INPP4B: variants seen among roughly 807,000 people sequenced by gnomAD.
INPP4B encodes inositol polyphosphate-4-phosphatase type II B.
In INPP4B, 55 loss-of-function variants were observed where a neutral mutation model predicts 122.5. The observed-to-expected ratio is 0.45, with a 90% CI of 0.36 to 0.56. INPP4B has a LOEUF of 0.56. Among genes scored for constraint, INPP4B ranks in the 20% least tolerant of loss-of-function variants. The pLI, the probability that INPP4B is intolerant of heterozygous loss-of-function variation, is 0.00. For missense variants in INPP4B, 1,000 were observed against 1,097.7 expected, an observed-to-expected ratio of 0.91 and a Z score of 1.26; for synonymous variants, 403 against 388.7, an observed-to-expected ratio of 1.04 and a Z score of -0.43.
intron 9 of INPP4B, among the ~76,000 whole-genome samples, chr4:142,272,757 T>C (rs1414569212): frequency 6.6e-6 from 1 of 152,040 alleles, no homozygotes; most frequent in Non-Finnish European, 1.5e-5. Flanking sequence ...AAATAAAGCA[T>C]ATAATAAGGA....
Position 142,589,301 on chromosome 4 carries a change from C to G in INPP4B, c.-190-126575G>C, listed in dbSNP as rs573025767. ...TGAAATAAAAATGTGATAAATTGGA[C>G]TTTGTTAAAATCAAAAACTTCCTCT... On this transcript the variant is annotated intron_variant, in intron 2 of 25. Coordinates refer to ENST00000262992, the MANE Select transcript of INPP4B (RefSeq NM_001101669.3). Among the ~76,000 whole-genome samples, 3 of 152,130 alleles carry G rather than the reference C, an allele frequency of 2.0e-5. No homozygotes were observed. The East Asian group carries it at 5.8e-4, about 29-fold the overall frequency.
chr4:142,731,778 A>G (rs1329745779), intron 1 of INPP4B, among the ~76,000 whole-genome samples: 1 of 152,182 alleles, frequency 6.6e-6, no homozygotes, highest in Non-Finnish European at 1.5e-5. Flanking sequence ...TTCAGGGGAA[A>G]AAAAAAACAT....
chr4:142,180,097 C>T (rs1647686476), intron 15 of INPP4B, among the ~76,000 whole-genome samples: 1 of 152,110 alleles, frequency 6.6e-6, no homozygotes, highest in African/African-American at 2.4e-5. Flanking sequence ...CCTTTGACTG[C>T]AAACAGGCAT....
chr4:142,116,145 C>T (rs1423210960), intron 21 of INPP4B, among the ~76,000 whole-genome samples: 1 of 152,136 alleles, frequency 6.6e-6, no homozygotes, highest in Non-Finnish European at 1.5e-5. Context: ...AATACAGGAG[C>T]ACCCAGATTC....
rs776675878 is a variant in INPP4B, at chr4:142,335,406, TC to T, written c.373-20645del. On this transcript the variant is annotated intron_variant, in intron 7 of 25. Transcript: ENST00000262992. Reference sequence around the variant, plus strand: ...TGGGTTTACTTTTCATTATACTCCCTCAATTATCTTATCTTTTAGAATTTAG... The same window carrying T: ...TGGGTTTACTTTTCATTATACTCCCTAATTATCTTATCTTTTAGAATTTAG... 8.3e-4 allele frequency among the ~76,000 whole-genome samples: 126 copies of T among 152,328 alleles called. 1 individual carries two copies. The highest frequency in any genetic ancestry group is 8.1e-4 in the Non-Finnish European group (55 of 68,024).
intron 15 of INPP4B, among the ~76,000 whole-genome samples, chr4:142,188,518 A>AAAAATATATATAT (rs1834267141): frequency 3.8e-5 from 4 of 105,094 alleles, no homozygotes; most frequent in Non-Finnish European, 5.6e-5. Flanking sequence ...AAAGAAAAAA[A>AAAAATATATATAT]ATATATATAG....
intron 1 of INPP4B, among the ~76,000 whole-genome samples, chr4:142,761,204 C>G (rs151192574): frequency 6.6e-6 from 1 of 150,568 alleles, no homozygotes; most frequent in Non-Finnish European, 1.5e-5. Context: ...TAAAAAATAT[C>G]CACACCTTAT....
intron 1 of INPP4B, among the ~76,000 whole-genome samples, chr4:142,812,369 T>A (rs1779619522): frequency 6.6e-6 from 1 of 152,220 alleles, no homozygotes; most frequent in Non-Finnish European, 1.5e-5. Context: ...TTTTTCTGGC[T>A]CTGTATGTCA....
At chr4:142,360,181 C>A (rs562638228) in intron 7 of INPP4B, among the ~76,000 whole-genome samples, 1 of 152,036 alleles carries the variant, frequency 6.6e-6, no homozygotes, top group African/African-American at 2.4e-5. Flanking sequence ...ATTTCTGATT[C>A]TAATGTTCAT....
At chr4:142,294,843 A>AAAAAAAAAAAAAAAAT (rs1757946834) in intron 9 of INPP4B, among the ~76,000 whole-genome samples, 4 of 146,010 alleles carry the variant, frequency 2.7e-5, no homozygotes. Context: ...AAAAAAAAAA[A>AAAAAAAAAAAAAAAAT]AAAAAAAAAA....
chr4:142,064,462 A>G (rs1485744535), intron 25 of INPP4B, among the ~76,000 whole-genome samples: 1 of 152,178 alleles, frequency 6.6e-6, no homozygotes, highest in Non-Finnish European at 1.5e-5. Context: ...ATGACCAAGT[A>G]ATACTTAACA....
At chr4:142,234,960 T>C (rs554260091) in intron 12 of INPP4B, among the ~76,000 whole-genome samples, 1 of 152,186 alleles carries the variant, frequency 6.6e-6, no homozygotes, top group Non-Finnish European at 1.5e-5. Flanking sequence ...TTTGATGTGT[T>C]CAAATAACAA....
chr4:142,230,371 AG>A (rs1331208353), intron 12 of INPP4B, among the ~76,000 whole-genome samples: 1 of 152,082 alleles, frequency 6.6e-6, no homozygotes, highest in African/African-American at 2.4e-5. Flanking sequence ...CAAGGCCGGG[AG>A]CGGTGGCTCA....
At chr4:142,563,751 T>C (rs562614400) in intron 2 of INPP4B, among the ~76,000 whole-genome samples, 4 of 152,298 alleles carry the variant, frequency 2.6e-5, no homozygotes, top group African/African-American at 9.6e-5. Flanking sequence ...TTGCAGTTTC[T>C]TTCTCACTTC....
chr4:142,539,792 C>G (rs189349960), intron 2 of INPP4B, among the ~76,000 whole-genome samples: 1 of 152,010 alleles, frequency 6.6e-6, no homozygotes, highest in East Asian at 1.9e-4. Flanking sequence ...CAAACAGGAA[C>G]TGACAGCAAG....
chr4:142,404,135 A>G lies in INPP4B; in HGVS notation c.255+1071T>C, dbSNP rs556237412. On this transcript the variant is annotated intron_variant, in intron 6 of 25. Transcript: ENST00000262992. ...GAATAAGATTATTTTTGTTAATTCA[A>G]CTATAGCATTAACTATATATTATAC... 2.0e-5 allele frequency among the ~76,000 whole-genome samples: 3 copies of G among 152,336 alleles called. No homozygotes were observed. In the South Asian group the frequency reaches 6.2e-4, roughly 32 times the overall value.
intron 7 of INPP4B, among the ~76,000 whole-genome samples, chr4:142,340,451 A>T (rs1043180239): frequency 6.6e-6 from 1 of 151,958 alleles, no homozygotes; most frequent in African/African-American, 2.4e-5. Flanking sequence ...TCTGTCACCC[A>T]GGCTGGAGTA....
chr4:142,244,068 C>A (rs940263143), intron 11 of INPP4B, among the ~76,000 whole-genome samples: 1 of 151,772 alleles, frequency 6.6e-6, no homozygotes, highest in Non-Finnish European at 1.5e-5. Flanking sequence ...CCTAGCCCCC[C>A]ACCCCCTGAC....
At chr4:142,563,849 GCT>G (rs1261716691) in intron 2 of INPP4B, among the ~76,000 whole-genome samples, 1 of 152,168 alleles carries the variant, frequency 6.6e-6, no homozygotes, top group East Asian at 1.9e-4. Context: ...TCATGGCACA[GCT>G]ATGGCTATGG....
Sources: gnomAD v4.1 joint callset for allele counts (sites outside exome capture counted in the v4.1 genomes callset) on GRCh38, gnomAD v4.1.1 for gene constraint, MANE v1.5 for transcripts, NCBI Gene and HGNC (gene_info 2026-07-23, HGNC 2026-07-21) for gene names.